The following EXTL3 variants were observed in gnomAD, a reference collection of about 807,000 sequenced individuals.
EXTL3 encodes exostosin-like 3.
In EXTL3, 27 loss-of-function variants were observed where a neutral mutation model predicts 69.3. The observed-to-expected ratio is 0.39, with a 90% confidence interval of 0.29 to 0.54. The LOEUF (loss-of-function observed/expected upper bound fraction) is 0.54. Among genes scored for constraint, EXTL3 ranks in the 20% least tolerant of loss-of-function variants. EXTL3 has a pLI of 0.69. For missense variants in EXTL3, 1,003 were observed against 1,231.8 expected (o/e 0.81, Z 2.78); for synonymous variants, 511 against 499.4 (o/e 1.02, Z -0.31).
In EXTL3 at chr8:28,717,517, A is replaced by G. The variant is rs779253231; in HGVS notation, c.1458A>G (p.Pro486=). 33 of 1,614,138 alleles carry G rather than the reference A, an allele frequency of 2.0e-5. No homozygotes were observed. Among genetic ancestry groups the G allele is most frequent in the African/African-American group, 2.7e-5 (2 of 74,946 alleles). Residue 486 remains proline (P), a synonymous_variant, in exon 3 of 7, where the codon CCA becomes CCG. Transcript: ENST00000220562. This position sits in a 1 kb window ranked among gnomAD's most constrained non-coding sequence, Gnocchi z 8.3. ...LQWNEAALVV[P]KPRVTEVHFL... ...GGAACGAGGCGGCCCTGGTGGTGCC[A>G]AAGCCTCGTGTTACCGAGGTTCATT...
intron 3 of EXTL3, among the ~76,000 whole-genome samples, chr8:28,720,723 A>C (rs1666585604): frequency 6.6e-6 from 1 of 152,108 alleles, no homozygotes; most frequent in Non-Finnish European, 1.5e-5. Context: ...CCACCAGTTG[A>C]AGTGGGTCTC....
chr8:28,681,669 C>T (rs1807492569), intron 1 of EXTL3, among the ~76,000 whole-genome samples: 1 of 152,080 alleles, frequency 6.6e-6, no homozygotes, highest in African/African-American at 2.4e-5. Context: ...TACAGACGTG[C>T]GATTGCTGGG....
At chr8:28,679,036 G>A (rs1156932293) in intron 1 of EXTL3, among the ~76,000 whole-genome samples, 12 of 152,206 alleles carry the variant, frequency 7.9e-5, no homozygotes, top group South Asian at 2.1e-4. Context: ...GGACTTTCCA[G>A]TCTTGCCTGC....
chr8:28,650,916 C>T (rs569923215), intron 1 of EXTL3, among the ~76,000 whole-genome samples: 1 of 152,044 alleles, frequency 6.6e-6, no homozygotes, highest in South Asian at 2.1e-4. Flanking sequence ...CTTTGTTTTT[C>T]CATATGTATT....
intron 3 of EXTL3, among the ~76,000 whole-genome samples, chr8:28,723,640 G>GTTTTTTT (rs34831917): frequency 4.1e-5 from 5 of 120,914 alleles, no homozygotes; most frequent in Non-Finnish European, 6.8e-5. Flanking sequence ...GCTCAGGACT[G>GTTTTTTT]TTTTTTTTTT....
chr8:28,627,524 A>G (rs1441321146), intron 1 of EXTL3, among the ~76,000 whole-genome samples: 3 of 151,768 alleles, frequency 2.0e-5, no homozygotes, highest in South Asian at 4.1e-4. Context: ...GAAAAAGATC[A>G]TATAGAAGTT....
intron 4 of EXTL3, among the ~76,000 whole-genome samples, chr8:28,733,430 A>C (rs1195591352): frequency 6.6e-6 from 1 of 152,014 alleles, no homozygotes; most frequent in East Asian, 1.9e-4. Flanking sequence ...ATGGGGTCTC[A>C]CATTGTTGCT....
intron 1 of EXTL3, among the ~76,000 whole-genome samples, chr8:28,626,949 G>A (rs1037646654): frequency 2.6e-5 from 4 of 152,144 alleles, no homozygotes; most frequent in Non-Finnish European, 5.9e-5. Flanking sequence ...TTGGGAGGCC[G>A]AGGCAGGCAG....
intron 1 of EXTL3, among the ~76,000 whole-genome samples, chr8:28,673,114 T>G (rs1428529415): frequency 6.6e-6 from 1 of 152,222 alleles, no homozygotes; most frequent in East Asian, 1.9e-4. Context: ...GGTATGTCTT[T>G]ATCAGCAACC....
intron 3 of EXTL3, 57 bp downstream of exon 3, chr8:28,718,264 C>A (rs927001693): frequency 6.5e-7 from 1 of 1,543,694 alleles, no homozygotes; most frequent in Non-Finnish European, 9.0e-7. Context: ...CACTCTTAAT[C>A]CCTTTTCCAA....
chr8:28,703,998 A>G (rs1287381040), intron 1 of EXTL3, among the ~76,000 whole-genome samples: 1 of 152,224 alleles, frequency 6.6e-6, no homozygotes, highest in African/African-American at 2.4e-5. Context: ...CAAGAGGGAC[A>G]GAGGTGGGCT....
intron 3 of EXTL3, among the ~76,000 whole-genome samples, chr8:28,725,907 T>G (rs1008657401): frequency 6.6e-6 from 1 of 151,806 alleles, no homozygotes; most frequent in African/African-American, 2.4e-5. Flanking sequence ...CTGTCTTTTC[T>G]CAGATTCTTA....
rs1265785111 is a variant in EXTL3, at chr8:28,716,808, T to C, written c.749T>C (p.Val250Ala). 6.2e-7 allele frequency: 1 copy of C among 1,614,052 alleles called. No individual in the cohort carries two copies. The highest frequency in any genetic ancestry group is 8.5e-7 in the Non-Finnish European group (1 of 1,179,984). The change falls in exon 3 of 7, where the codon GTG (valine) becomes GCG (alanine). Residue 250 changes from valine to alanine, a missense_variant. By Grantham distance (64) the Val-to-Ala change is moderately conservative. This residue lies in a region of EXTL3 where 742 missense variants were observed against 815.4 expected (regional missense o/e 0.91). Coordinates refer to ENST00000220562, the MANE Select transcript of EXTL3 (RefSeq NM_001440.4). The surrounding 1 kb of genome is among the most constrained non-coding windows in gnomAD (Gnocchi z 7.1). Reference protein sequence around the residue: ...ILVGEMQEPVVLRPAELEKQL... With the variant: ...ILVGEMQEPVALRPAELEKQL... Reference sequence around the variant, plus strand: ...GTGGGAGAGATGCAGGAGCCGGTGGTGCTGCGGCCTGCTGAGCTGGAGAAG... The same window carrying C: ...GTGGGAGAGATGCAGGAGCCGGTGGCGCTGCGGCCTGCTGAGCTGGAGAAG...
chr8:28,639,860 T>G (rs1050278065), intron 1 of EXTL3, among the ~76,000 whole-genome samples: 1 of 152,254 alleles, frequency 6.6e-6, no homozygotes, highest in Non-Finnish European at 1.5e-5. Context: ...CCCAGCACTT[T>G]GGGAGGCCAA....
Position 28,737,501 on chromosome 8 carries a change from G to GCACTTGTGTTTTT in EXTL3, c.2277-15_2277-3dup, listed in dbSNP as rs756857596. 1.4e-5 allele frequency: 23 copies of GCACTTGTGTTTTT among 1,613,842 alleles called. No homozygotes were observed. The Admixed American group carries it at 2.2e-4, about 15-fold the overall frequency. On this transcript the variant is annotated splice_polypyrimidine_tract_variant and intron_variant, in intron 4 of 6. Coordinates refer to ENST00000220562, the MANE Select transcript of EXTL3 (RefSeq NM_001440.4). ...GAGCTCTGTATTCAGGTCTGTGTAT[G>GCACTTGTGTTTTT]CACTTGTGTTTTTCAAGGGTGTGGA...
chr8:28,608,450 A>G (rs1806231350), intron 2 of EXTL3, among the ~76,000 whole-genome samples: 1 of 152,142 alleles, frequency 6.6e-6, no homozygotes, highest in African/African-American at 2.4e-5. Context: ...CAATCAACAT[A>G]TATTTGTTGA....
rs748931118 is a variant in EXTL3, at chr8:28,717,159, T to A, written c.1100T>A (p.Met367Lys). 1 of 1,614,138 alleles carries A rather than the reference T, an allele frequency of 6.2e-7. No individual in the cohort carries two copies. The highest frequency in any genetic ancestry group is 8.5e-7 in the Non-Finnish European group (1 of 1,180,026). ...LQEARSFEEE[M>K]EGDPPADYDD... ...GAGGCCCGCTCCTTCGAAGAGGAAA[T>A]GGAGGGCGACCCTCCCGCCGACTAC... The change falls in exon 3 of 7, where the codon ATG (methionine) becomes AAG (lysine). Residue 367 changes from methionine to lysine, a missense_variant. Transcript: ENST00000220562. This position sits in a 1 kb window ranked among gnomAD's most constrained non-coding sequence, Gnocchi z 8.3.
intron 1 of EXTL3, among the ~76,000 whole-genome samples, chr8:28,712,332 G>A (rs189171888): frequency 3.3e-5 from 5 of 152,298 alleles, no homozygotes; most frequent in Admixed American, 3.3e-4. Flanking sequence ...GAGCCCGGCA[G>A]TACAGTGGGC....
rs1807222111 is a variant in EXTL3 at position 28,667,926 on chromosome 8, C to G, written c.-53+45116C>G. 8.6e-5 allele frequency among the ~76,000 whole-genome samples: 13 copies of G among 151,564 alleles called. No individual in the cohort carries two copies. In the South Asian group the frequency reaches 2.7e-3, roughly 31 times the overall value. On this transcript the variant is annotated intron_variant, in intron 1 of 6. Transcript: ENST00000523149. ...GTGGCTCACACCTGTCATCCCAACA[C>G]TTTGGGGAATTGAGGCAGCAGAATC... is the stretch of plus-strand genomic sequence containing the variant.
Sources: allele counts gnomAD v4.1 joint callset (sites outside exome capture counted in the v4.1 genomes callset), GRCh38; gene constraint gnomAD v4.1.1; regional missense constraint gnomAD v4.1.1; non-coding constraint Gnocchi (gnomAD v3.1); transcripts MANE v1.5; gene names NCBI Gene and HGNC (gene_info 2026-07-23, HGNC 2026-07-21).